SMOX: variants seen among roughly 807,000 people sequenced by gnomAD.
SMOX encodes flavin containing amine oxidase.
A neutral mutation model predicts 51.0 loss-of-function variants in SMOX; 22 were observed. The observed-to-expected ratio is 0.43, with a 90% CI of 0.31 to 0.62. The LOEUF (loss-of-function observed/expected upper bound fraction) is 0.62. Among genes scored for constraint, SMOX ranks in the 20% least tolerant of loss-of-function variants. SMOX has a pLI of 0.10. For synonymous variants in SMOX, 282 were observed against 307.8 expected (o/e 0.92, Z 0.88); for missense variants, 566 against 777.7 (o/e 0.73, Z 3.24).
chr20:4,183,341 C>T lies in SMOX; in HGVS notation c.1370-153C>T. 1 of 1,138,634 alleles carries T rather than the reference C, an allele frequency of 8.8e-7. No individual in the cohort carries two copies. 70.5% of individuals were successfully genotyped at this position (1,138,634 alleles called of 1,614,324 possible). A position where few individuals can be genotyped will look rare whatever the true frequency, so the allele number is the denominator to read the frequency against. On this transcript the variant is annotated intron_variant, in intron 5 of 6. Transcript: ENST00000305958. This position sits in a 1 kb window ranked among gnomAD's most constrained non-coding sequence, Gnocchi z 4.3. ...GGTACACAGCTCGAGCCCCAGCCTC[C>T]CTCCTTCCTCTTCTATCCTCCGTGC...
chr20:4,167,238 C>T lies in SMOX; in HGVS notation c.-26-7792C>T, dbSNP rs544876513. 2.7e-4 allele frequency among the ~76,000 whole-genome samples: 41 copies of T among 152,176 alleles called. 1 individual carries two copies. In the South Asian group the frequency reaches 3.3e-3, roughly 12 times the overall value. ...GCATGATGTCAGTGTCAAGGTCCAG[C>T]CTGATAGTAGGGTTGGGGCCAAGGT... On this transcript the variant is annotated intron_variant, in intron 1 of 6. Coordinates refer to ENST00000305958, the MANE Select transcript of SMOX (RefSeq NM_175839.3). This position sits in a 1 kb window ranked among gnomAD's most constrained non-coding sequence, Gnocchi z 4.8.
At chr20:4,156,801 G>T (rs573774523) in intron 1 of SMOX, among the ~76,000 whole-genome samples, 167 of 152,230 alleles carry the variant, frequency 1.1e-3, no homozygotes, top group African/African-American at 3.7e-3. Context: ...GGAGTGCAGT[G>T]GCGCAATCTC....
At chr20:4,185,015 A>G (rs1049529027) in intron 6 of SMOX, among the ~76,000 whole-genome samples, 1 of 152,234 alleles carries the variant, frequency 6.6e-6, no homozygotes, top group Non-Finnish European at 1.5e-5. Flanking sequence ...GCAGATGGCA[A>G]GAAGGGAACC....
In SMOX at chr20:4,153,306, T is replaced by TTGC. The variant is rs1985854152; in HGVS notation, c.-27+4329_-27+4330insTGC. Among the ~76,000 whole-genome samples, 1 of 152,214 alleles carries TTGC rather than the reference T, an allele frequency of 6.6e-6. No individual in the cohort carries two copies. The highest frequency in any genetic ancestry group is 2.1e-4 in the South Asian group (1 of 4,830). On this transcript the variant is annotated intron_variant, in intron 1 of 6. Coordinates refer to ENST00000305958, the MANE Select transcript of SMOX (RefSeq NM_175839.3). The surrounding 1 kb of genome is among the most constrained non-coding windows in gnomAD (Gnocchi z 4.4). ...TCTGGGTTTAGCATTGCCCTCGTCA[T>TTGC]CTGCCTGTAAAATGGGATTAGAGGG...
intron 1 of SMOX, among the ~76,000 whole-genome samples, chr20:4,151,123 C>A (rs567958510): frequency 2.0e-5 from 3 of 152,120 alleles, no homozygotes; most frequent in Non-Finnish European, 4.4e-5. Flanking sequence ...TGAACCACTG[C>A]GCCAGGCCCA....
chr20:4,158,104 G>T (rs57402172), intron 1 of SMOX, among the ~76,000 whole-genome samples: 2,239 of 149,580 alleles, frequency 0.015, 71 homozygotes, highest in East Asian at 0.12. Flanking sequence ...GTTTCACCTT[G>T]TTAGCCAGGA....
intron 1 of SMOX, among the ~76,000 whole-genome samples, chr20:4,162,057 TG>T (rs889929242): frequency 2.0e-5 from 3 of 152,202 alleles, no homozygotes; most frequent in African/African-American, 7.2e-5. Context: ...CCTGGTGCCT[TG>T]GGCGGCAGGT....
intron 1 of SMOX, among the ~76,000 whole-genome samples, chr20:4,151,095 G>C (rs1453721990): frequency 6.6e-6 from 1 of 152,130 alleles, no homozygotes; most frequent in Non-Finnish European, 1.5e-5. Context: ...GCCTCCCAAA[G>C]TGCTGGGATT....
At chr20:4,155,158 C>T (rs975094423) in intron 1 of SMOX, among the ~76,000 whole-genome samples, 3 of 152,162 alleles carry the variant, frequency 2.0e-5, no homozygotes, top group African/African-American at 7.2e-5. Context: ...AGCACCCTTC[C>T]TCCAGCCAGG....
rs937508218 is a variant in SMOX at position 4,163,084 on chromosome 20, G to A, written c.-26-11946G>A. 4.6e-5 allele frequency among the ~76,000 whole-genome samples: 7 copies of A among 152,146 alleles called. No individual in the cohort carries two copies. The East Asian group carries it at 7.7e-4, about 17-fold the overall frequency. On this transcript the variant is annotated intron_variant, in intron 1 of 6. Coordinates refer to ENST00000305958, the MANE Select transcript of SMOX (RefSeq NM_175839.3). Reference sequence around the variant, plus strand: ...GGGAGCTTGGGCACTGCCTGGCCTTGTGGCTGTCTCTGCCTCTTCCTCTCC... The same window carrying A: ...GGGAGCTTGGGCACTGCCTGGCCTTATGGCTGTCTCTGCCTCTTCCTCTCC...
At position 4,172,509 on chromosome 20, in the gene SMOX, C is replaced by A. The variant is rs918602649; in HGVS notation, c.-26-2521C>A. On this transcript the variant is annotated intron_variant, in intron 1 of 6. Transcript: ENST00000305958. The surrounding 1 kb of genome is among the most constrained non-coding windows in gnomAD (Gnocchi z 7.7). Reference sequence around the variant, plus strand: ...GTGTCCTCTCGGGAGGGAGGCAGGACCTAGCATCTCTGGGGCGAGGGAGGA... The same window carrying A: ...GTGTCCTCTCGGGAGGGAGGCAGGAACTAGCATCTCTGGGGCGAGGGAGGA... 6.6e-6 allele frequency among the ~76,000 whole-genome samples: 1 copy of A among 151,998 alleles called. No homozygotes were observed. Among genetic ancestry groups the A allele is most frequent in the South Asian group, 2.1e-4 (1 of 4,816 alleles).
intron 1 of SMOX, among the ~76,000 whole-genome samples, chr20:4,164,692 C>A (rs116123540): frequency 4.1e-4 from 62 of 152,244 alleles, no homozygotes; most frequent in African/African-American, 1.5e-3. Flanking sequence ...TTGGGTGCCT[C>A]AAAACAGGGC....
intron 1 of SMOX, chr20:4,171,776 G>T (rs1380065906): frequency 6.6e-6 from 1 of 152,394 alleles, no homozygotes; most frequent in Non-Finnish European, 1.5e-5. Flanking sequence ...TCCACAGCTT[G>T]TTCCAAAGAC....
chr20:4,181,803 G>T lies in SMOX; in HGVS notation c.436G>T (p.Val146Phe). The T allele has an allele frequency of 6.2e-7, 1 of 1,613,852 alleles. No homozygotes were observed. ...VEEFSDLYNE[V>F]YNLTQEFFRH... ...CAGTCTCATGGGGTCTCTCTGGCAG[G>T]TCTATAACTTGACCCAGGAGTTCTT... The change falls in exon 4 of 7, where the codon GTC becomes TTC. Residue 146 changes from valine to phenylalanine, a missense_variant and splice_region_variant. Val to Phe is a conservative substitution (Grantham distance 50, BLOSUM62 -1). Transcript: ENST00000305958. The surrounding 1 kb of genome is among the most constrained non-coding windows in gnomAD (Gnocchi z 5.6).
intron 1 of SMOX, among the ~76,000 whole-genome samples, chr20:4,162,716 A>G (rs1304231784): frequency 6.6e-6 from 1 of 152,180 alleles, no homozygotes; most frequent in Non-Finnish European, 1.5e-5. Context: ...ACTTCTGATG[A>G]GGAGGCTTGG....
intron 2 of SMOX, among the ~76,000 whole-genome samples, chr20:4,175,589 G>A (rs1162426651): frequency 6.6e-6 from 1 of 152,156 alleles, no homozygotes; most frequent in Non-Finnish European, 1.5e-5. Flanking sequence ...CTTCTGCAAG[G>A]TCCTAGTAGT....
rs1985878183 is a variant in SMOX at position 4,153,861 on chromosome 20, T to C, written c.-27+4884T>C. 6.6e-6 allele frequency among the ~76,000 whole-genome samples: 1 copy of C among 152,182 alleles called. No individual in the cohort carries two copies. Among genetic ancestry groups the C allele is most frequent in the Non-Finnish European group, 1.5e-5 (1 of 68,020 alleles). ...AAGCCTGAGGCGGGCAGGCTAGAGC[T>C]GAGGTGGACTTCCTGACAAGTAGAC... On this transcript the variant is annotated intron_variant, in intron 1 of 6. Transcript: ENST00000305958. The surrounding 1 kb of genome is among the most constrained non-coding windows in gnomAD (Gnocchi z 4.4).
rs1174030835 is a variant in SMOX, at chr20:4,172,237, C to T, written c.-26-2793C>T. ...GGCAGACCCGCCGGGCGGGTTGCGG[C>T]GCCACGTCAGTCCAGGGTGCCCAGG... On this transcript the variant is annotated intron_variant, in intron 1 of 6. Coordinates refer to ENST00000305958, the MANE Select transcript of SMOX (RefSeq NM_175839.3). This position sits in a 1 kb window ranked among gnomAD's most constrained non-coding sequence, Gnocchi z 7.7. Among the ~76,000 whole-genome samples the T allele has an allele frequency of 6.6e-6, 1 of 152,210 alleles. No homozygotes were observed. The highest frequency in any genetic ancestry group is 1.5e-5 in the Non-Finnish European group (1 of 68,018).
At chr20:4,163,597 T>G (rs1357415003) in intron 1 of SMOX, among the ~76,000 whole-genome samples, 1 of 152,222 alleles carries the variant, frequency 6.6e-6, no homozygotes, top group Admixed American at 6.5e-5. Context: ...GTTGGGAATT[T>G]GGTAGCAGTT....
Sources: allele counts gnomAD v4.1 joint callset (sites outside exome capture counted in the v4.1 genomes callset), GRCh38; gene constraint gnomAD v4.1.1; non-coding constraint Gnocchi (gnomAD v3.1); transcripts MANE v1.5; gene names NCBI Gene and HGNC (gene_info 2026-07-23, HGNC 2026-07-21).